Variants in KCNN2 observed in about 807,000 individuals in gnomAD.
KCNN2 encodes the protein small conductance calcium-activated potassium channel protein 2.
In KCNN2, 24 loss-of-function variants were observed where a neutral mutation model predicts 55.5. The observed-to-expected ratio is 0.43, with a 90% confidence interval of 0.31 to 0.61. KCNN2 has a LOEUF of 0.61. Ranked by LOEUF, KCNN2 falls within the 20% of genes least tolerant of loss-of-function variation. KCNN2 has a pLI of 0.08. For missense variants in KCNN2, 754 were observed against 853.6 expected (o/e 0.88, Z 1.45); for synonymous variants, 431 against 336.1 (o/e 1.28, Z -3.09).
chr5:114,382,186 T>G (rs1758144707), intron 2 of KCNN2, among the ~76,000 whole-genome samples: 1 of 152,194 alleles, frequency 6.6e-6, no homozygotes, highest in Non-Finnish European at 1.5e-5. Context: ...TATTTTCTTT[T>G]TGTTTACCGT....
At chr5:114,077,302 G>A (rs754738550) in intron 1 of KCNN2, among the ~76,000 whole-genome samples, 2 of 152,188 alleles carry the variant, frequency 1.3e-5, no homozygotes, top group Non-Finnish European at 2.9e-5. Flanking sequence ...TACTGCATAG[G>A]GAGCACACTA....
At chr5:114,140,434 G>A (rs1277739211) in intron 1 of KCNN2, among the ~76,000 whole-genome samples, 3 of 152,110 alleles carry the variant, frequency 2.0e-5, no homozygotes, top group Admixed American at 6.6e-5. Context: ...TGACATAAAA[G>A]CAATGTTTGG....
At chr5:114,425,834 A>T (rs1759606231) in intron 3 of KCNN2, among the ~76,000 whole-genome samples, 1 of 152,096 alleles carries the variant, frequency 6.6e-6, no homozygotes, top group African/African-American at 2.4e-5. Flanking sequence ...CCCTGTGGCC[A>T]TCCCTGTTCC....
intron 2 of KCNN2, among the ~76,000 whole-genome samples, chr5:114,315,449 GTGTGTGTGTGTGTGTGTA>G (rs961245693): frequency 8.9e-6 from 1 of 112,338 alleles, no homozygotes; most frequent in Non-Finnish European, 1.8e-5. Context: ...GTGTGTGTGT[GTGTGTGTGTGTGTGTGTA>G]TATATATATA....
At chr5:114,386,395 A>G (rs1007500570) in intron 2 of KCNN2, among the ~76,000 whole-genome samples, 1 of 152,150 alleles carries the variant, frequency 6.6e-6, no homozygotes, top group African/African-American at 2.4e-5. Context: ...ATAAGCAGAA[A>G]AAACAATTGT....
intron 1 of KCNN2, among the ~76,000 whole-genome samples, chr5:114,154,210 C>G (rs1752582741): frequency 6.6e-6 from 1 of 152,166 alleles, no homozygotes; most frequent in South Asian, 2.1e-4. Context: ...AAACAAGAGA[C>G]TGAACAGTGA....
At chr5:114,442,575 A>G (rs1449981757) in intron 3 of KCNN2, among the ~76,000 whole-genome samples, 1 of 152,130 alleles carries the variant, frequency 6.6e-6, no homozygotes, top group African/African-American at 2.4e-5. Flanking sequence ...TCCTGCCCTC[A>G]TGCAATACAT....
At chr5:114,474,629 A>T (rs543292937) in intron 5 of KCNN2, among the ~76,000 whole-genome samples, 1 of 152,286 alleles carries the variant, frequency 6.6e-6, no homozygotes, top group East Asian at 1.9e-4. Flanking sequence ...CTAATCCATA[A>T]ATTGGAGCAG....
chr5:114,070,757 A>C lies in KCNN2; in HGVS notation c.-271+14257A>C, dbSNP rs78440055. ...GAGTGTGGTACTACACATATGTGACACTGACTGAGACAGGTCTGAATGCTT... is the reference window on the plus strand; with the variant it reads ...GAGTGTGGTACTACACATATGTGACCCTGACTGAGACAGGTCTGAATGCTT... On this transcript the variant is annotated intron_variant, in intron 1 of 10. Coordinates refer to the KCNN2 transcript ENST00000512097. Among the ~76,000 whole-genome samples the C allele has an allele frequency of 6.5e-3, 986 of 152,316 alleles. 13 individuals are homozygous for C. The highest frequency in any genetic ancestry group is 0.022 in the African/African-American group (921 of 41,568).
At chr5:114,354,893 A>G (rs1757270868) in intron 2 of KCNN2, among the ~76,000 whole-genome samples, 1 of 152,224 alleles carries the variant, frequency 6.6e-6, no homozygotes, top group Non-Finnish European at 1.5e-5. Flanking sequence ...AAACAGAACA[A>G]AAGTGCTAAT....
chr5:114,240,936 A>C (rs1754605736), intron 2 of KCNN2, among the ~76,000 whole-genome samples: 1 of 152,196 alleles, frequency 6.6e-6, no homozygotes, highest in African/African-American at 2.4e-5. Context: ...ATTAACTCTC[A>C]GGCAGATTAA....
chr5:114,117,853 C>T (rs1373994720), intron 1 of KCNN2, among the ~76,000 whole-genome samples: 1 of 152,178 alleles, frequency 6.6e-6, no homozygotes, highest in Non-Finnish European at 1.5e-5. Context: ...CAGTGCTCTA[C>T]CTCTGAGCTG....
At chr5:114,349,344 C>T (rs1003886050) in intron 2 of KCNN2, among the ~76,000 whole-genome samples, 4 of 151,962 alleles carry the variant, frequency 2.6e-5, no homozygotes, top group African/African-American at 9.7e-5. Flanking sequence ...TTTTTGAGCA[C>T]CAACATGACA....
At chr5:114,383,555 G>A (rs554639147) in intron 2 of KCNN2, among the ~76,000 whole-genome samples, 7 of 140,842 alleles carry the variant, frequency 5.0e-5, no homozygotes, top group Admixed American at 3.1e-4. Context: ...TGCAACCTCC[G>A]CCTTCTGGAT....
chr5:114,485,684 GCA>G (rs1762408789), intron 5 of KCNN2, among the ~76,000 whole-genome samples: 1 of 152,130 alleles, frequency 6.6e-6, no homozygotes, highest in South Asian at 2.1e-4. Flanking sequence ...TTCTCTCCAT[GCA>G]CAGAGTCTAA....
intron 2 of KCNN2, among the ~76,000 whole-genome samples, chr5:114,305,122 A>G (rs1002849301): frequency 3.3e-5 from 5 of 152,214 alleles, no homozygotes; most frequent in South Asian, 4.1e-4. Flanking sequence ...AGAACTCTAG[A>G]GGATAGCCTA....
intron 2 of KCNN2, among the ~76,000 whole-genome samples, chr5:114,312,209 G>T (rs1268907623): frequency 2.0e-5 from 3 of 151,654 alleles, no homozygotes; most frequent in African/African-American, 7.3e-5. Flanking sequence ...TTCTTGGCGT[G>T]AGTTTTTGGA....
At chr5:114,227,366 T>C (rs1251148243) in intron 2 of KCNN2, among the ~76,000 whole-genome samples, 2 of 152,210 alleles carry the variant, frequency 1.3e-5, no homozygotes, top group Non-Finnish European at 2.9e-5. Flanking sequence ...TTTTTATTCA[T>C]AAAGCATCCC....
intron 3 of KCNN2, among the ~76,000 whole-genome samples, chr5:114,422,309 AG>A (rs1268486402): frequency 2.0e-5 from 3 of 152,064 alleles, no homozygotes; most frequent in African/African-American, 7.2e-5. Context: ...ATGAGGGTGG[AG>A]CCCTCATGAA....
Sources: allele counts gnomAD v4.1 joint callset (sites outside exome capture counted in the v4.1 genomes callset), GRCh38; gene constraint gnomAD v4.1.1; transcripts MANE v1.5; gene names NCBI Gene and HGNC (gene_info 2026-07-23, HGNC 2026-07-21).